Variants in PHACTR2 observed in about 807,000 individuals in gnomAD.
PHACTR2 encodes chromosome 6 open reading frame 56.
PHACTR2 carries 30 observed loss-of-function variants against 76.0 expected under a neutral mutation model. The observed-to-expected ratio is 0.39, with a 90% confidence interval of 0.30 to 0.54. The LOEUF (loss-of-function observed/expected upper bound fraction) is 0.54. PHACTR2 is among the 20% of genes least tolerant of loss of function. The pLI is 0.61. For synonymous variants in PHACTR2, 292 were observed against 292.5 expected (o/e 1.00, Z 0.02); for missense variants, 696 against 781.1 (o/e 0.89, Z 1.30).
At chr6:143,786,560 G>T (rs1169898486) in intron 10 of PHACTR2, among the ~76,000 whole-genome samples, 1 of 152,150 alleles carries the variant, frequency 6.6e-6, no homozygotes, top group Non-Finnish European at 1.5e-5. Context: ...CCAACTTACT[G>T]TATTAGTCTG....
Position 143,687,343 on chromosome 6 carries a change from G to A in PHACTR2, c.46+9134G>A, listed in dbSNP as rs955709708. On this transcript the variant is annotated intron_variant, in intron 1 of 12. Coordinates refer to ENST00000440869, the MANE Select transcript of PHACTR2 (RefSeq NM_001100164.2). ...AAGGAAACAAGAATTGTAAGAATTGGTCTTACAATTAAGCCTATTTAATTT... is the reference window on the plus strand; with the variant it reads ...AAGGAAACAAGAATTGTAAGAATTGATCTTACAATTAAGCCTATTTAATTT... Among the ~76,000 whole-genome samples the A allele has an allele frequency of 9.9e-5, 15 of 152,216 alleles. 1 individual carries two copies. In the Middle Eastern group the frequency reaches 0.01, roughly 104 times the overall value.
At chr6:143,569,684 A>C (rs370914912) in intron 1 of PHACTR2, among the ~76,000 whole-genome samples, 76 of 152,316 alleles carry the variant, frequency 5.0e-4, no homozygotes, top group African/African-American at 1.7e-3. Flanking sequence ...TGTTTTTTAA[A>C]TATTTACATG....
rs1779535450 is a variant in PHACTR2 at position 143,765,355 on chromosome 6, G to A, written c.789G>A (p.Glu263=). 1 of 1,614,050 alleles carries A rather than the reference G, an allele frequency of 6.2e-7. No homozygotes were observed. Among genetic ancestry groups the A allele is most frequent in the South Asian group, 1.1e-5 (1 of 91,088 alleles). ...STSSRPKASK[E]TVSSKAGTVG... The stretch of plus-strand genomic sequence containing the variant: ...CATCTCGTCCCAAAGCTTCAAAGGA[G>A]ACAGTTTCTAGCAAAGCAGGGACAG... The change falls in exon 6 of 13, where the codon GAG becomes GAA. Residue 263 remains glutamate (E), a synonymous_variant. Transcript: ENST00000440869. The surrounding 1 kb of genome is among the most constrained non-coding windows in gnomAD (Gnocchi z 4.1).
rs1162713370 is a variant in PHACTR2 at position 143,789,755 on chromosome 6, T to G, written c.1845+845T>G. Among the ~76,000 whole-genome samples the G allele has an allele frequency of 1.3e-5, 2 of 152,224 alleles. No individual in the cohort carries two copies. The highest frequency in any genetic ancestry group is 4.8e-5 in the African/African-American group (2 of 41,454). The stretch of plus-strand genomic sequence containing the variant: ...ATTTAATCATGCTCTGTGCTGACTC[T>G]TTTTAATAGGAAGCTTCATTATTTA... On this transcript the variant is annotated intron_variant, in intron 11 of 12. Coordinates refer to ENST00000440869, the MANE Select transcript of PHACTR2 (RefSeq NM_001100164.2). The surrounding 1 kb of genome is among the most constrained non-coding windows in gnomAD (Gnocchi z 5.1).
rs1391592616 is a variant in PHACTR2, at chr6:143,791,920, T to C, written c.1845+3010T>C. Reference sequence around the variant, plus strand: ...GATGTTTAGCTGATGGCTTCAAATTTTCAGGGTACATTTCATCACTCCCTG... The same window carrying C: ...GATGTTTAGCTGATGGCTTCAAATTCTCAGGGTACATTTCATCACTCCCTG... On this transcript the variant is annotated intron_variant, in intron 11 of 12. Transcript: ENST00000440869. The surrounding 1 kb of genome is among the most constrained non-coding windows in gnomAD (Gnocchi z 4.7). Among the ~76,000 whole-genome samples the C allele has an allele frequency of 1.3e-5, 2 of 152,196 alleles. No homozygotes were observed. The highest frequency in any genetic ancestry group is 2.9e-5 in the Non-Finnish European group (2 of 68,026).
chr6:143,790,261 GA>G (rs993115015), intron 11 of PHACTR2, among the ~76,000 whole-genome samples: 5 of 152,118 alleles, frequency 3.3e-5, no homozygotes, highest in Admixed American at 2.6e-4. Context: ...TCAAGGGAGT[GA>G]TTTTTTTTTA....
At position 143,723,268 on chromosome 6, in the gene PHACTR2, G is replaced by A. The variant is rs187408477; in HGVS notation, c.214+11085G>A. ...AAGAGAACCACATCTCACCTTCCAC[G>A]CCTTCCTGTTTTCCACTCAGGACTT... On this transcript the variant is annotated intron_variant, in intron 2 of 12. Transcript: ENST00000440869. 1.6e-3 allele frequency among the ~76,000 whole-genome samples: 248 copies of A among 152,254 alleles called. 1 individual carries two copies. Among genetic ancestry groups the A allele is most frequent in the African/African-American group, 5.6e-3 (231 of 41,558 alleles).
intron 2 of PHACTR2, among the ~76,000 whole-genome samples, chr6:143,725,050 A>C (rs2128464211): frequency 6.6e-6 from 1 of 152,300 alleles, no homozygotes; most frequent in Middle Eastern, 3.4e-3. Context: ...GTCATTCACC[A>C]TGTGGGTGTT....
rs9321939 is a variant in PHACTR2, at chr6:143,733,635, T to C, written c.215-15350T>C. 0.17 allele frequency among the ~76,000 whole-genome samples: 25,779 copies of C among 152,094 alleles called. 2,716 individuals carry two copies. Among genetic ancestry groups the C allele is most frequent in the South Asian group, 0.25 (1,219 of 4,814 alleles). On this transcript the variant is annotated intron_variant, in intron 2 of 12. Coordinates refer to ENST00000440869, the MANE Select transcript of PHACTR2 (RefSeq NM_001100164.2). This position sits in a 1 kb window ranked among gnomAD's most constrained non-coding sequence, Gnocchi z 4.0. ...AAAGCCATAACAGACTAAATGAATA[T>C]TTTACCAATTTAGTGGGTAGGGTGG...
chr6:143,772,568 C>G lies in PHACTR2; in HGVS notation c.1432+111C>G. ...AACCAGACATCTGATGTTTTCTTTC[C>G]CCTCATCCTCCTTTCTCAAATTAGA... On this transcript the variant is annotated intron_variant, in intron 7 of 12. Coordinates refer to ENST00000440869, the MANE Select transcript of PHACTR2 (RefSeq NM_001100164.2). The surrounding 1 kb of genome is among the most constrained non-coding windows in gnomAD (Gnocchi z 5.4). 1 of 742,856 alleles carries G rather than the reference C, an allele frequency of 1.3e-6. No homozygotes were observed. The highest frequency in any genetic ancestry group is 2.7e-5 in the East Asian group (1 of 36,806). 46.0% of individuals were successfully genotyped at this position (742,856 alleles called of 1,614,324 possible).
intron 1 of PHACTR2, among the ~76,000 whole-genome samples, chr6:143,632,341 A>G (rs1178655703): frequency 6.6e-6 from 1 of 152,212 alleles, no homozygotes; most frequent in Non-Finnish European, 1.5e-5. Flanking sequence ...TGTTATTTTA[A>G]AGAAACTATT....
chr6:143,640,460 T>A (rs990615166), intron 1 of PHACTR2, among the ~76,000 whole-genome samples: 1 of 152,158 alleles, frequency 6.6e-6, no homozygotes, highest in Non-Finnish European at 1.5e-5. Flanking sequence ...CAACTTGCTA[T>A]CTAGCTAGAT....
At chr6:143,812,806 G>GATAGTA (rs1776207028) in intron 12 of PHACTR2, among the ~76,000 whole-genome samples, 1 of 152,190 alleles carries the variant, frequency 6.6e-6, no homozygotes, top group Non-Finnish European at 1.5e-5. Flanking sequence ...TAGATCATTA[G>GATAGTA]ATAGTATCAT....
rs999026244 is a variant in PHACTR2, at chr6:143,751,856, A to T, written c.296-1898A>T. On this transcript the variant is annotated intron_variant, in intron 3 of 12. Transcript: ENST00000440869. This position sits in a 1 kb window ranked among gnomAD's most constrained non-coding sequence, Gnocchi z 5.7. ...CAAGGATTTAACTTATTTTAATTCT[A>T]AAACAACTTCCTTAACACTCAATAC... Among the ~76,000 whole-genome samples, 3 of 151,374 alleles carry T rather than the reference A, an allele frequency of 2.0e-5. No homozygotes were observed. The highest frequency in any genetic ancestry group is 7.3e-5 in the African/African-American group (3 of 41,258).
chr6:143,745,831 T>C (rs1582834898), intron 2 of PHACTR2, among the ~76,000 whole-genome samples: 2 of 152,360 alleles, frequency 1.3e-5, no homozygotes, highest in Non-Finnish European at 2.9e-5. Context: ...AGCCTGTTTA[T>C]AGGAGGTAGA....
intron 1 of PHACTR2, among the ~76,000 whole-genome samples, chr6:143,612,317 A>G (rs1775991347): frequency 6.6e-6 from 1 of 152,184 alleles, no homozygotes; most frequent in Non-Finnish European, 1.5e-5. Context: ...GCACGAAGAC[A>G]TTTCATTTCA....
At chr6:143,636,165 G>T (rs1236788551) in intron 1 of PHACTR2, among the ~76,000 whole-genome samples, 1 of 151,082 alleles carries the variant, frequency 6.6e-6, no homozygotes, top group Non-Finnish European at 1.5e-5. Flanking sequence ...AGTGAGCTGA[G>T]ATTGTGCCAC....
rs1004701971 is a variant in PHACTR2, at chr6:143,708,978, T to C, written c.47-3038T>C. On this transcript the variant is annotated intron_variant, in intron 1 of 12. Transcript: ENST00000440869. The surrounding 1 kb of genome is among the most constrained non-coding windows in gnomAD (Gnocchi z 5.5). ...ACTTTTGTTTCTATGTTCATAATAA[T>C]TAGCCCTTTTATATTTTACAACATT... Among the ~76,000 whole-genome samples the C allele has an allele frequency of 6.6e-6, 1 of 152,212 alleles. No individual in the cohort carries two copies. Among genetic ancestry groups the C allele is most frequent in the African/African-American group, 2.4e-5 (1 of 41,436 alleles).
chr6:143,808,751 C>T (rs562575330), intron 12 of PHACTR2, among the ~76,000 whole-genome samples: 1 of 152,178 alleles, frequency 6.6e-6, no homozygotes, highest in African/African-American at 2.4e-5. Flanking sequence ...TTTTTATATA[C>T]ATGTAGAGCG....
Sources: gnomAD v4.1 joint callset for allele counts (sites outside exome capture counted in the v4.1 genomes callset) on GRCh38, gnomAD v4.1.1 for gene constraint, Gnocchi (gnomAD v3.1) non-coding constraint, MANE v1.5 for transcripts, NCBI Gene and HGNC (gene_info 2026-07-23, HGNC 2026-07-21) for gene names.